The following HECW2 variants were observed in gnomAD, a reference collection of about 807,000 sequenced individuals.
The protein encoded by HECW2 is HECT, C2 and WW domain containing E3 ubiquitin protein ligase 2, also known as E3 ubiquitin-protein ligase HECW2.
HECW2 carries 61 observed loss-of-function variants against 175.2 expected under a neutral mutation model. The observed-to-expected ratio is 0.35, with a 90% CI of 0.28 to 0.43. The LOEUF (loss-of-function observed/expected upper bound fraction) is 0.43, where lower values mean the gene tolerates loss of function less well. HECW2 is among the 20% of genes least tolerant of loss of function. The probability of loss-of-function intolerance (pLI) is 1.00; values close to 1 mark genes in which losing one functional copy is unlikely to be tolerated. For missense variants in HECW2, 1,524 were observed against 2,000.5 expected (o/e 0.76, Z 4.54); for synonymous variants, 671 against 731.0 (o/e 0.92, Z 1.32).
chr2:196,245,130 GAATA>G (rs2105892279), intron 19 of HECW2, among the ~76,000 whole-genome samples: 1 of 152,268 alleles, frequency 6.6e-6, no homozygotes, highest in South Asian at 2.1e-4. Flanking sequence ...ACTGGGAAAA[GAATA>G]GATAAGCAAG....
At chr2:196,272,071 C>T (rs1036330887) in intron 16 of HECW2, among the ~76,000 whole-genome samples, 1 of 152,166 alleles carries the variant, frequency 6.6e-6, no homozygotes, top group African/African-American at 2.4e-5. Flanking sequence ...AAACCATCTT[C>T]TGATTGATTA....
chr2:196,198,351 A>G lies in HECW2; in HGVS notation c.*2926T>C, dbSNP rs1373783697. On this transcript the variant is annotated 3_prime_UTR_variant, in exon 29 of 29. Coordinates refer to ENST00000644978, the MANE Select transcript of HECW2 (RefSeq NM_001348768.2). ...TGATGTAATTTTTTTTAGCCACACT[A>G]TCATCTATATATGAAGCCATTATTG... is the stretch of plus-strand genomic sequence containing the variant. 1.3e-5 allele frequency: 2 copies of G among 152,166 alleles called. No individual in the cohort carries two copies. The highest frequency in any genetic ancestry group is 1.9e-4 in the East Asian group (1 of 5,200). 9.4% of individuals were successfully genotyped at this position (152,166 alleles called of 1,614,324 possible). A position where few individuals can be genotyped will look rare whatever the true frequency, so the allele number is the denominator to read the frequency against.
In HECW2 at chr2:196,342,993, T is replaced by C. The variant is rs533773837; in HGVS notation, c.400+664A>G. Among the ~76,000 whole-genome samples, 3 of 150,932 alleles carry C rather than the reference T, an allele frequency of 2.0e-5. No individual in the cohort carries two copies. In the South Asian group the frequency reaches 6.2e-4, roughly 31 times the overall value. On this transcript the variant is annotated intron_variant, in intron 3 of 28. Transcript: ENST00000644978. ...TTATGTATATGTAAAATATAAAATATACTATATATATTTTTGTATATATAC... is the reference window on the plus strand; with the variant it reads ...TTATGTATATGTAAAATATAAAATACACTATATATATTTTTGTATATATAC...
chr2:196,201,642 C>G (rs1279403955), intron 28 of HECW2, among the ~76,000 whole-genome samples: 1 of 152,112 alleles, frequency 6.6e-6, no homozygotes, highest in Non-Finnish European at 1.5e-5. Flanking sequence ...CATTTAAAAG[C>G]TATATTACAT....
intron 1 of HECW2, among the ~76,000 whole-genome samples, chr2:196,543,020 T>TAC (rs939934077): frequency 5.6e-4 from 83 of 148,710 alleles, no homozygotes; most frequent in East Asian, 1.6e-3. Flanking sequence ...TCAGTTGTAA[T>TAC]ACACACACAC....
chr2:196,498,370 G>T (rs976973853), intron 1 of HECW2, among the ~76,000 whole-genome samples: 27 of 151,978 alleles, frequency 1.8e-4, no homozygotes, highest in Admixed American at 3.3e-4. Context: ...ATAGCCTAAA[G>T]GTCCCTTTTT....
At chr2:196,521,202 C>G (rs1688361048) in intron 1 of HECW2, among the ~76,000 whole-genome samples, 1 of 150,350 alleles carries the variant, frequency 6.7e-6, no homozygotes, top group African/African-American at 2.5e-5. Context: ...CAGCATCACA[C>G]CCAGGATCAT....
intron 1 of HECW2, among the ~76,000 whole-genome samples, chr2:196,575,929 A>C (rs1690545773): frequency 6.6e-6 from 1 of 150,850 alleles, no homozygotes; most frequent in South Asian, 2.1e-4. Context: ...GCCGTTTATG[A>C]GGGATCCACC....
intron 1 of HECW2, among the ~76,000 whole-genome samples, chr2:196,525,620 T>C (rs1407029891): frequency 6.8e-6 from 1 of 147,276 alleles, no homozygotes; most frequent in African/African-American, 2.5e-5. Context: ...TGGTACCGGT[T>C]GTTCCTTTCC....
At chr2:196,408,258 TAATGGTATAATGGA>T (rs1177247685) in intron 2 of HECW2, among the ~76,000 whole-genome samples, 1 of 152,230 alleles carries the variant, frequency 6.6e-6, no homozygotes, top group African/African-American at 2.4e-5. Flanking sequence ...AAATGAGTTA[TAATGGTATAATGGA>T]AAAACATTGA....
chr2:196,288,265 T>G (rs1345256281), intron 14 of HECW2: 2 of 152,192 alleles, frequency 1.3e-5, no homozygotes, highest in Non-Finnish European at 2.9e-5. Flanking sequence ...TGATCATGGC[T>G]GACGGAGAAT....
At chr2:196,530,220 T>G (rs1395551192) in intron 1 of HECW2, among the ~76,000 whole-genome samples, 1 of 152,220 alleles carries the variant, frequency 6.6e-6, no homozygotes, top group Non-Finnish European at 1.5e-5. Flanking sequence ...AGTTTTCCTG[T>G]GCTAAGCAAG....
chr2:196,468,036 T>C (rs1697032725), intron 1 of HECW2, among the ~76,000 whole-genome samples: 1 of 152,168 alleles, frequency 6.6e-6, no homozygotes, highest in Non-Finnish European at 1.5e-5. Context: ...TTTTTTGAGA[T>C]GGAGTCTCAC....
intron 2 of HECW2, among the ~76,000 whole-genome samples, chr2:196,391,208 C>T (rs1362825379): frequency 6.6e-6 from 1 of 152,168 alleles, no homozygotes; most frequent in Non-Finnish European, 1.5e-5. Flanking sequence ...CTCAACCTAG[C>T]TCTCTCCGTA....
intron 1 of HECW2, among the ~76,000 whole-genome samples, chr2:196,555,444 T>A (rs1178503251): frequency 6.6e-6 from 1 of 152,152 alleles, no homozygotes; most frequent in Non-Finnish European, 1.5e-5. Context: ...CCTAATACCA[T>A]CACATTGCAG....
Position 196,379,677 on chromosome 2 carries a change from TC to T in HECW2, c.293-35914del, listed in dbSNP as rs1371977591. ...TCCAGCCTGGGCGACAGAGCAATAC[TC>T]CGTCTCAAAAAAAAAAAAAAAAAAA... On this transcript the variant is annotated intron_variant, in intron 2 of 28. Transcript: ENST00000644978. Among the ~76,000 whole-genome samples the T allele has an allele frequency of 7.0e-5, 6 of 85,606 alleles. No homozygotes were observed. The Admixed American group carries it at 7.8e-4, about 11-fold the overall frequency. The allele number at this position is 85,606 out of a possible 152,430, so 56.2% of individuals were successfully genotyped here. A position where few individuals can be genotyped will look rare whatever the true frequency, so the allele number is the denominator to read the frequency against.
intron 9 of HECW2, among the ~76,000 whole-genome samples, chr2:196,317,679 T>C (rs1488197381): frequency 1.4e-5 from 2 of 142,060 alleles, no homozygotes; most frequent in African/African-American, 5.3e-5. Flanking sequence ...TACAATATAA[T>C]GAAGGAAACA....
chr2:196,272,143 A>C (rs1372649039), intron 16 of HECW2, among the ~76,000 whole-genome samples: 3 of 152,206 alleles, frequency 2.0e-5, no homozygotes, highest in Non-Finnish European at 4.4e-5. Context: ...AGTTGGCAGC[A>C]ACAACTAGGA....
chr2:196,434,129 G>A (rs1398916304), intron 1 of HECW2, among the ~76,000 whole-genome samples: 1 of 152,150 alleles, frequency 6.6e-6, no homozygotes, highest in Non-Finnish European at 1.5e-5. Flanking sequence ...CCCCTGACAA[G>A]AATGTAAGTT....
Sources: gnomAD v4.1 joint callset for allele counts (sites outside exome capture counted in the v4.1 genomes callset) on GRCh38, gnomAD v4.1.1 for gene constraint, MANE v1.5 for transcripts, NCBI Gene and HGNC (gene_info 2026-07-23, HGNC 2026-07-21) for gene names.